The following DGKB variants were observed in gnomAD, a reference collection of about 807,000 sequenced individuals.
DGKB encodes 90 kDa diacylglycerol kinase.
DGKB carries 67 observed loss-of-function variants against 114.3 expected under a neutral mutation model. That is an observed-to-expected ratio of 0.59 (90% CI 0.48 to 0.72). The LOEUF (loss-of-function observed/expected upper bound fraction) is 0.72. DGKB is among the 30% of genes least tolerant of loss of function. The pLI, the probability that DGKB is intolerant of heterozygous loss-of-function variation, is 0.00. For synonymous variants in DGKB, 398 were observed against 323.1 expected (o/e 1.23, Z -2.49); for missense variants, 907 against 975.2 (o/e 0.93, Z 0.93).
chr7:14,786,777 G>C (rs2128498102), intron 2 of DGKB, among the ~76,000 whole-genome samples: 1 of 152,356 alleles, frequency 6.6e-6, no homozygotes, highest in South Asian at 2.1e-4. Context: ...CCAGATTTTG[G>C]GTGCCAATGA....
intron 14 of DGKB, among the ~76,000 whole-genome samples, chr7:14,627,278 C>A (rs1282606533): frequency 6.6e-6 from 1 of 151,938 alleles, no homozygotes; most frequent in Non-Finnish European, 1.5e-5. Context: ...AGACGGGGGA[C>A]AACAAAACAG....
At chr7:14,562,933 T>C (rs1015947251) in intron 20 of DGKB, among the ~76,000 whole-genome samples, 7 of 152,200 alleles carry the variant, frequency 4.6e-5, no homozygotes, top group African/African-American at 1.7e-4. Flanking sequence ...TGGGAAGATA[T>C]GGTTTGGCTG....
At chr7:14,633,053 G>C (rs1175630220) in intron 13 of DGKB, among the ~76,000 whole-genome samples, 2 of 151,834 alleles carry the variant, frequency 1.3e-5, no homozygotes, top group African/African-American at 4.8e-5. Flanking sequence ...AGACACTGTG[G>C]TATGAAATTG....
At position 14,694,165 on chromosome 7, in the gene DGKB, G is replaced by A. The variant is rs61757575; in HGVS notation, c.621C>T (p.Asp207=). The part of the protein sequence containing the change: ...PILHEMMEEI[D]YDHDGTVSLE... ...GAGACACGGTTCCATCATGATCATA[G>A]TCAATTTCTTCCATCATTTCATGGA... Residue 207 remains aspartate (D), a synonymous_variant, in exon 9 of 26, where the codon GAC becomes GAT. Transcript: ENST00000402815. 4.4e-4 allele frequency: 696 copies of A among 1,580,782 alleles called. 6 individuals carry two copies. In the African/African-American group the frequency reaches 8.6e-3, roughly 19 times the overall value.
intron 20 of DGKB, among the ~76,000 whole-genome samples, chr7:14,547,857 G>A (rs1300715732): frequency 1.3e-5 from 2 of 152,146 alleles, no homozygotes; most frequent in African/African-American, 2.4e-5. Context: ...ATTCATGTCA[G>A]ACAGAGGCTT....
rs183530427 is a variant in DGKB, at chr7:14,585,535, T to C, written c.1434-2398A>G. On this transcript the variant is annotated intron_variant, in intron 17 of 25. Coordinates refer to ENST00000402815, the MANE Select transcript of DGKB (RefSeq NM_001350709.2). The stretch of plus-strand genomic sequence containing the variant: ...TTTCTACTTCTACTGCTGTGTTAAA[T>C]ACCACTTACATGTCTTTTAAAATCC... Among the ~76,000 whole-genome samples the C allele has an allele frequency of 5.9e-5, 9 of 152,342 alleles. No homozygotes were observed. In the East Asian group the frequency reaches 1.7e-3, roughly 29 times the overall value.
intron 14 of DGKB, 108 bp from the exon 15 acceptor site, chr7:14,621,602 A>G: frequency 1.5e-6 from 1 of 658,378 alleles, no homozygotes; most frequent in South Asian, 2.1e-5. Flanking sequence ...ACACAGGCTC[A>G]ACTTTCTAAT....
intron 17 of DGKB, among the ~76,000 whole-genome samples, chr7:14,606,623 T>C (rs1422276562): frequency 1.3e-5 from 2 of 151,736 alleles, no homozygotes; most frequent in East Asian, 3.9e-4. Flanking sequence ...GAAGCATGCA[T>C]AAAGCTTATA....
chr7:14,290,841 G>C (rs754936528), intron 23 of DGKB, among the ~76,000 whole-genome samples: 1 of 151,974 alleles, frequency 6.6e-6, no homozygotes, highest in Non-Finnish European at 1.5e-5. Context: ...CTGCTATTAC[G>C]GACTTAAGTA....
chr7:14,734,799 G>A (rs547808767), intron 5 of DGKB, among the ~76,000 whole-genome samples: 1 of 152,264 alleles, frequency 6.6e-6, no homozygotes, highest in Admixed American at 6.5e-5. Context: ...ATAAACATAA[G>A]TTCCTTCAGG....
intron 1 of DGKB, among the ~76,000 whole-genome samples, chr7:14,926,074 T>G (rs780029611): frequency 4.6e-5 from 7 of 152,146 alleles, no homozygotes; most frequent in African/African-American, 7.2e-5. Flanking sequence ...AATCCTATAA[T>G]CCTAGTTTGC....
intron 5 of DGKB, among the ~76,000 whole-genome samples, chr7:14,729,387 G>A (rs1246698933): frequency 6.6e-6 from 1 of 152,084 alleles, no homozygotes; most frequent in Non-Finnish European, 1.5e-5. Flanking sequence ...CTCCCAAAGT[G>A]CTGGGATTAC....
intron 20 of DGKB, among the ~76,000 whole-genome samples, chr7:14,481,395 T>C (rs1039374620): frequency 2.6e-5 from 4 of 151,960 alleles, no homozygotes; most frequent in African/African-American, 4.8e-5. Context: ...CCAGAGCCTA[T>C]AGCAAATTCT....
At chr7:14,738,745 G>A (rs1348389858) in intron 4 of DGKB, among the ~76,000 whole-genome samples, 1 of 152,128 alleles carries the variant, frequency 6.6e-6, no homozygotes, top group Non-Finnish European at 1.5e-5. Flanking sequence ...TGTTGTCCTT[G>A]TTGCTGCTTT....
At position 14,914,020 on chromosome 7, in the gene DGKB, A is replaced by T. The variant is rs10239172; in HGVS notation, c.-188+60676T>A. 3.2e-3 allele frequency among the ~76,000 whole-genome samples: 492 copies of T among 152,298 alleles called. 2 individuals are homozygous for T. Among genetic ancestry groups the T allele is most frequent in the African/African-American group, 0.011 (465 of 41,560 alleles). On this transcript the variant is annotated intron_variant, in intron 1 of 4. Transcript: ENST00000437998. ...GCCCTACTAGGTTCTCATGGTGAAGACTGGAGAAAAATTACTTTCCCTCAT... is the reference window on the plus strand; with the variant it reads ...GCCCTACTAGGTTCTCATGGTGAAGTCTGGAGAAAAATTACTTTCCCTCAT...
At chr7:14,371,140 G>T (rs973708768) in intron 21 of DGKB, among the ~76,000 whole-genome samples, 13 of 152,100 alleles carry the variant, frequency 8.5e-5, no homozygotes, top group African/African-American at 3.1e-4. Context: ...ATGAGTGCAG[G>T]TGTCTTTTTG....
chr7:14,973,477 T>C lies in DGKB; in HGVS notation c.-188+1219A>G, dbSNP rs1371647007. On this transcript the variant is annotated intron_variant, in intron 1 of 4. Transcript: ENST00000437998. Reference sequence around the variant, plus strand: ...AAGTTAATCATACTATTTCTTTTTGTTGTTGTTGTTTTGTTTTTTTGTTTT... The same window carrying C: ...AAGTTAATCATACTATTTCTTTTTGCTGTTGTTGTTTTGTTTTTTTGTTTT... Among the ~76,000 whole-genome samples the C allele has an allele frequency of 2.6e-5, 4 of 151,366 alleles. No individual in the cohort carries two copies. The East Asian group carries it at 7.8e-4, about 29-fold the overall frequency.
At chr7:14,461,380 G>C (rs548795079) in intron 21 of DGKB, among the ~76,000 whole-genome samples, 1 of 151,038 alleles carries the variant, frequency 6.6e-6, no homozygotes, top group African/African-American at 2.5e-5. Context: ...AAAGAAAAGA[G>C]AGAAGAATCA....
intron 1 of DGKB, among the ~76,000 whole-genome samples, chr7:14,858,089 T>A (rs1050424427): frequency 6.6e-6 from 1 of 152,162 alleles, no homozygotes; most frequent in African/African-American, 2.4e-5. Flanking sequence ...AAATGGATAT[T>A]CATGACAGGA....
Sources: gnomAD v4.1 joint callset for allele counts (sites outside exome capture counted in the v4.1 genomes callset) on GRCh38, gnomAD v4.1.1 for gene constraint, MANE v1.5 for transcripts, NCBI Gene and HGNC (gene_info 2026-07-23, HGNC 2026-07-21) for gene names.